RAD54L: variants seen among roughly 807,000 people sequenced by gnomAD.
The protein encoded by RAD54L is RAD54 like.
Under a neutral mutation model 91.6 loss-of-function variants are expected in RAD54L, and 74 were observed. The ratio of observed to expected loss-of-function variants is 0.81; its 90% confidence interval spans 0.67 to 0.98. The LOEUF is 0.98. RAD54L is among the 50% of genes least tolerant of loss of function. The pLI is 0.00. For synonymous variants in RAD54L, 304 were observed against 349.7 expected (o/e 0.87, Z 1.46); for missense variants, 887 against 945.7 (o/e 0.94, Z 0.81).
chr1:46,254,040 T>G (rs1659874781), intron 3 of RAD54L, among the ~76,000 whole-genome samples: 1 of 152,104 alleles, frequency 6.6e-6, no homozygotes, highest in Non-Finnish European at 1.5e-5. Context: ...GGTGGCGTGA[T>G]CTTGGCGCAC....
rs1415451268 is a variant in RAD54L at position 46,261,358 on chromosome 1, A to C, written c.864A>C (p.Gly288=). ...TTCATGTTGGAGTCCTCCAGAAAGGAAGTGTTGGTCTGGTCATATGTGACG... is the reference window on the plus strand; with the variant it reads ...TTCATGTTGGAGTCCTCCAGAAAGGCAGTGTTGGTCTGGTCATATGTGACG... The part of the protein sequence containing the change: ...FRLHVGVLQK[G]SVGLVICDEG... The change falls in exon 8 of 18, where the codon GGA becomes GGC. Residue 288 remains glycine, a synonymous_variant. Transcript: ENST00000371975. 7.4e-6 allele frequency: 12 copies of C among 1,613,966 alleles called. No homozygotes were observed. The highest frequency in any genetic ancestry group is 1.6e-4 in the Middle Eastern group (1 of 6,062).
intron 6 of RAD54L, 48 bp from the exon 7 acceptor site, chr1:46,260,679 C>T (rs1391918615): frequency 2.5e-6 from 4 of 1,613,914 alleles, no homozygotes; most frequent in Non-Finnish European, 3.4e-6. Context: ...ATCCCTGGGA[C>T]AGCAGCAGCG....
At chr1:46,267,115 G>A (rs896297981) in intron 8 of RAD54L, among the ~76,000 whole-genome samples, 1 of 152,174 alleles carries the variant, frequency 6.6e-6, no homozygotes, top group African/African-American at 2.4e-5. Context: ...TGAGGTGGGA[G>A]GATTGCAGTG....
chr1:46,272,194 C>T (rs537332614), intron 10 of RAD54L, among the ~76,000 whole-genome samples: 5 of 151,930 alleles, frequency 3.3e-5, no homozygotes, highest in African/African-American at 1.2e-4. Flanking sequence ...AGGTGCCTGC[C>T]ACCACACTTG....
At position 46,277,803 on chromosome 1, in the gene RAD54L, C is replaced by T. The variant is rs1304382961; in HGVS notation, c.1870-14C>T. On this transcript the variant is annotated splice_polypyrimidine_tract_variant and intron_variant, in intron 16 of 17. Transcript: ENST00000371975. The stretch of plus-strand genomic sequence containing the variant: ...CGCTGTATCTTTTGACATTCCCCAC[C>T]TCCTCTTCCCCAGGCAGGGACCATT... The T allele has an allele frequency of 6.3e-7, 1 of 1,598,174 alleles. No homozygotes were observed. The highest frequency in any genetic ancestry group is 1.3e-5 in the African/African-American group (1 of 74,570).
rs142696512 is a variant in RAD54L, at chr1:46,263,341, A to G, written c.891+1956A>G. On this transcript the variant is annotated intron_variant, in intron 8 of 17. Transcript: ENST00000371975. The surrounding 1 kb of genome is among the most constrained non-coding windows in gnomAD (Gnocchi z 4.3). Reference sequence around the variant, plus strand: ...CAGTGGGCTTGGCGACCCTGAGGCTATAGTCATTGTTTGCAACTTCTTGGG... The same window carrying G: ...CAGTGGGCTTGGCGACCCTGAGGCTGTAGTCATTGTTTGCAACTTCTTGGG... Among the ~76,000 whole-genome samples the G allele has an allele frequency of 7.7e-4, 117 of 152,268 alleles. No individual in the cohort carries two copies. Among genetic ancestry groups the G allele is most frequent in the African/African-American group, 2.7e-3 (114 of 41,544 alleles).
intron 3 of RAD54L, among the ~76,000 whole-genome samples, chr1:46,256,352 T>C (rs1659940452): frequency 6.6e-6 from 1 of 152,222 alleles, no homozygotes; most frequent in Non-Finnish European, 1.5e-5. Flanking sequence ...GCACTGGGGT[T>C]ATAGGCATGA....
chr1:46,259,144 G>A (rs1219744137), intron 4 of RAD54L, among the ~76,000 whole-genome samples: 2 of 151,978 alleles, frequency 1.3e-5, no homozygotes, highest in Non-Finnish European at 2.9e-5. Context: ...CTGGGGCTTG[G>A]AGGAATAGGG....
chr1:46,256,557 CAGGA>C (rs1444039335), intron 3 of RAD54L, among the ~76,000 whole-genome samples: 2 of 149,980 alleles, frequency 1.3e-5, no homozygotes, highest in African/African-American at 4.9e-5. Flanking sequence ...TCCCTTGAGC[CAGGA>C]CTTAGAGACT....
intron 4 of RAD54L, among the ~76,000 whole-genome samples, chr1:46,259,437 G>C (rs540510940): frequency 1.3e-5 from 2 of 152,086 alleles, no homozygotes; most frequent in Non-Finnish European, 2.9e-5. Flanking sequence ...GTTTGTAATT[G>C]AATGGGAGAA....
In RAD54L at chr1:46,260,967, C is replaced by CCT; in HGVS notation, c.721_722dup (p.Ala242TrpfsTer11). The stretch of plus-strand genomic sequence containing the variant: ...GAAATGGCTCGGAGGGAGGATCCAA[C>CCT]CTCTGGCCATCGATGGAGGATCTAA... On this transcript the variant is annotated frameshift_variant, in exon 7 of 18. Transcript: ENST00000371975. LOFTEE classifies it high-confidence loss of function. 1 of 1,614,126 alleles carries CCT rather than the reference C, an allele frequency of 6.2e-7. No individual in the cohort carries two copies. The highest frequency in any genetic ancestry group is 8.5e-7 in the Non-Finnish European group (1 of 1,180,036).
At chr1:46,271,791 C>A (rs1427288910) in intron 10 of RAD54L, among the ~76,000 whole-genome samples, 4 of 152,104 alleles carry the variant, frequency 2.6e-5, no homozygotes, top group South Asian at 2.1e-4. Context: ...GGCCATGTAG[C>A]AGCGGGCATT....
At chr1:46,269,687 C>G (rs903661324) in intron 9 of RAD54L, among the ~76,000 whole-genome samples, 1 of 152,204 alleles carries the variant, frequency 6.6e-6, no homozygotes, top group African/African-American at 2.4e-5. Flanking sequence ...AAAACTCTAA[C>G]TGGATTTTAA....
chr1:46,252,127 G>A (rs1659814118), intron 3 of RAD54L, among the ~76,000 whole-genome samples: 1 of 152,078 alleles, frequency 6.6e-6, no homozygotes, highest in South Asian at 2.1e-4. Context: ...TGAAGGGAGT[G>A]GAAAACATTC....
chr1:46,274,612 G>A lies in RAD54L; in HGVS notation c.1764G>A (p.Leu588=), dbSNP rs1557708697. The part of the protein sequence containing the change: ...CGLNLIGANR[L]VMFDPDWNPA... ...TCAATCTCATTGGGGCTAACCGGCT[G>A]GTCATGTTTGACCCTGACTGGAACC... The change falls in exon 16 of 18, where the codon CTG becomes CTA. Residue 588 remains leucine (L), a synonymous_variant. Transcript: ENST00000371975. The A allele has an allele frequency of 6.2e-7, 1 of 1,613,966 alleles. No individual in the cohort carries two copies. Among genetic ancestry groups the A allele is most frequent in the East Asian group, 2.2e-5 (1 of 44,894 alleles).
chr1:46,260,476 C>T, intron 5 of RAD54L, 66 bp from the exon 6 acceptor site: 1 of 1,492,974 alleles, frequency 6.7e-7, no homozygotes, highest in Non-Finnish European at 9.3e-7. Flanking sequence ...CAGCAGGACA[C>T]AGCTTCCTGA....
At chr1:46,270,842 C>G in intron 10 of RAD54L, 57 bp downstream of exon 10, 1 of 1,606,906 alleles carries the variant, frequency 6.2e-7, no homozygotes, top group Non-Finnish European at 8.5e-7. Flanking sequence ...ATGGCCAATC[C>G]TTTGGGGGCT....
intron 16 of RAD54L, among the ~76,000 whole-genome samples, chr1:46,275,497 CTG>C (rs769754333): frequency 6.6e-6 from 1 of 151,940 alleles, no homozygotes; most frequent in African/African-American, 2.4e-5. Flanking sequence ...CCAGTCTTCA[CTG>C]TGCATCCTTT....
At chr1:46,276,871 G>A (rs1660619834) in intron 16 of RAD54L, among the ~76,000 whole-genome samples, 1 of 152,206 alleles carries the variant, frequency 6.6e-6, no homozygotes, top group Admixed American at 6.5e-5. Context: ...CACCATCTCA[G>A]CTCACTGCAA....
Sources: gnomAD v4.1 joint callset for allele counts (sites outside exome capture counted in the v4.1 genomes callset) on GRCh38, gnomAD v4.1.1 for gene constraint, Gnocchi (gnomAD v3.1) non-coding constraint, MANE v1.5 for transcripts, NCBI Gene and HGNC (gene_info 2026-07-23, HGNC 2026-07-21) for gene names.